The following ALK variants were observed in gnomAD, a reference collection of about 807,000 sequenced individuals.
ALK encodes the protein ALK receptor tyrosine kinase.
Under a neutral mutation model 163.1 loss-of-function variants are expected in ALK, and 74 were observed. That is an observed-to-expected ratio of 0.45 (90% confidence interval 0.38 to 0.55). The LOEUF is 0.55. Ranked by LOEUF, ALK falls within the 20% of genes least tolerant of loss-of-function variation. The pLI is 0.00. For synonymous variants in ALK, 960 were observed against 843.2 expected (o/e 1.14, Z -2.40); for missense variants, 2,063 against 2,105.3 (o/e 0.98, Z 0.39).
At chr2:29,611,594 G>T (rs1180486803) in intron 3 of ALK, among the ~76,000 whole-genome samples, 1 of 152,152 alleles carries the variant, frequency 6.6e-6, no homozygotes, top group East Asian at 1.9e-4. Context: ...TTGGCTCTGT[G>T]TCCCCACCCA....
intron 4 of ALK, among the ~76,000 whole-genome samples, chr2:29,473,778 T>C (rs1042434923): frequency 6.6e-6 from 1 of 151,908 alleles, no homozygotes; most frequent in Non-Finnish European, 1.5e-5. Flanking sequence ...ATCGCTTGAA[T>C]CTGGGAGGCA....
At chr2:29,902,255 C>T (rs1667434528) in intron 1 of ALK, among the ~76,000 whole-genome samples, 1 of 152,182 alleles carries the variant, frequency 6.6e-6, no homozygotes. Context: ...TCTTTTCTAT[C>T]AAATGACCCA....
chr2:29,606,547 G>A (rs1010332254), intron 3 of ALK, among the ~76,000 whole-genome samples: 1 of 152,206 alleles, frequency 6.6e-6, no homozygotes, highest in Admixed American at 6.5e-5. Context: ...GACAGACCTG[G>A]GTGTCTCTGC....
rs78136275 is a variant in ALK, at chr2:29,517,506, C to A, written c.1154+14409G>T. Among the ~76,000 whole-genome samples, 827 of 152,180 alleles carry A rather than the reference C, an allele frequency of 5.4e-3. 6 individuals carry two copies. Among genetic ancestry groups the A allele is most frequent in the African/African-American group, 0.019 (784 of 41,514 alleles). ...CCAGATTTCTTCAGAAACCAGGATG[C>A]CAGATAGAATAATTTTTTGATGGAT... is the stretch of plus-strand genomic sequence containing the variant. On this transcript the variant is annotated intron_variant, in intron 4 of 28. Transcript: ENST00000389048.
At chr2:29,749,686 C>A (rs992511795) in intron 1 of ALK, among the ~76,000 whole-genome samples, 2 of 152,136 alleles carry the variant, frequency 1.3e-5, no homozygotes, top group African/African-American at 4.8e-5. Context: ...CCCCACAGCC[C>A]ACAGCATCTC....
intron 1 of ALK, among the ~76,000 whole-genome samples, chr2:29,839,695 C>T (rs941825224): frequency 6.6e-6 from 1 of 152,082 alleles, no homozygotes; most frequent in Non-Finnish European, 1.5e-5. Context: ...TTTTCTTTAT[C>T]TCTGCCAATA....
intron 4 of ALK, among the ~76,000 whole-genome samples, chr2:29,444,110 T>C (rs4322797): frequency 0.83 from 126,130 of 152,160 alleles, 53,410 homozygotes; most frequent in Non-Finnish European, 0.93. Flanking sequence ...TGATTGCCAT[T>C]GGAATGTTTA....
chr2:29,817,078 G>C (rs915015041), intron 1 of ALK, among the ~76,000 whole-genome samples: 1 of 152,192 alleles, frequency 6.6e-6, no homozygotes, highest in African/African-American at 2.4e-5. Flanking sequence ...CACGATGGAA[G>C]CATGGGGAGC....
At chr2:29,331,242 C>T (rs1447316601) in intron 5 of ALK, among the ~76,000 whole-genome samples, 2 of 152,156 alleles carry the variant, frequency 1.3e-5, no homozygotes, top group African/African-American at 4.8e-5. Flanking sequence ...CAAGGTTTCC[C>T]CAGATAACTT....
intron 3 of ALK, among the ~76,000 whole-genome samples, chr2:29,574,724 T>C (rs1674475642): frequency 6.6e-6 from 1 of 152,198 alleles, no homozygotes; most frequent in Non-Finnish European, 1.5e-5. Context: ...TGTTTCTACC[T>C]TTTGCTGATG....
intron 3 of ALK, among the ~76,000 whole-genome samples, chr2:29,678,793 T>C (rs1677971380): frequency 2.0e-5 from 3 of 151,840 alleles, no homozygotes; most frequent in East Asian, 1.9e-4. Context: ...TGACTTTCTT[T>C]ATGGCCTGGC....
At chr2:29,229,942 A>C (rs1414815594) in intron 15 of ALK, among the ~76,000 whole-genome samples, 4 of 152,154 alleles carry the variant, frequency 2.6e-5, no homozygotes, top group Non-Finnish European at 4.4e-5. Flanking sequence ...GGGCTCTTAC[A>C]AAGGAAGCTA....
intron 3 of ALK, among the ~76,000 whole-genome samples, chr2:29,563,144 C>T (rs1674075120): frequency 6.6e-6 from 1 of 152,232 alleles, no homozygotes; most frequent in Non-Finnish European, 1.5e-5. Flanking sequence ...TAACTATCCA[C>T]ATCTCTGTCC....
intron 4 of ALK, among the ~76,000 whole-genome samples, chr2:29,452,398 C>T (rs1369409402): frequency 6.6e-6 from 1 of 150,734 alleles, no homozygotes; most frequent in African/African-American, 2.5e-5. Context: ...GAGAGGACTT[C>T]CTTGATGTGC....
chr2:29,571,356 T>A (rs1359453277), intron 3 of ALK, among the ~76,000 whole-genome samples: 1 of 152,144 alleles, frequency 6.6e-6, no homozygotes, highest in Non-Finnish European at 1.5e-5. Context: ...AATCCCCACG[T>A]GTCAAGGGAG....
chr2:29,397,422 C>T (rs895056443), intron 4 of ALK, among the ~76,000 whole-genome samples: 2 of 152,150 alleles, frequency 1.3e-5, no homozygotes, highest in African/African-American at 4.8e-5. Flanking sequence ...CTGCTGACAC[C>T]TTGATCTTGG....
intron 11 of ALK, 114 bp downstream of exon 11, chr2:29,274,984 TA>T (rs1665494733): frequency 7.2e-7 from 1 of 1,380,240 alleles, no homozygotes; most frequent in Admixed American, 1.7e-5. Context: ...ATACTCCTTC[TA>T]AAGACTGTTT....
intron 3 of ALK, among the ~76,000 whole-genome samples, chr2:29,621,086 G>A (rs142036754): frequency 3.7e-3 from 557 of 152,202 alleles, no homozygotes; most frequent in South Asian, 0.02. Flanking sequence ...TGCCATCCTG[G>A]GACTTTCCAA....
intron 3 of ALK, among the ~76,000 whole-genome samples, chr2:29,579,980 C>T (rs1674633412): frequency 6.6e-6 from 1 of 152,176 alleles, no homozygotes; most frequent in African/African-American, 2.4e-5. Context: ...GAGGTCCCTG[C>T]ATTGCTTTCT....
Sources: allele counts gnomAD v4.1 joint callset (sites outside exome capture counted in the v4.1 genomes callset), GRCh38; gene constraint gnomAD v4.1.1; transcripts MANE v1.5; gene names NCBI Gene and HGNC (gene_info 2026-07-23, HGNC 2026-07-21).